Variants in TSPEAR observed in about 807,000 individuals in gnomAD.
TSPEAR encodes the protein thrombospondin-type laminin G domain and EAR repeat-containing protein.
A neutral mutation model predicts 71.6 loss-of-function variants in TSPEAR; 69 were observed. The observed-to-expected ratio is 0.96, with a 90% CI of 0.79 to 1.18. The LOEUF (loss-of-function observed/expected upper bound fraction) is 1.18. Among genes scored for constraint, TSPEAR ranks in the 50% most tolerant of loss-of-function variants. The pLI is 0.00. For missense variants in TSPEAR, 971 were observed against 894.9 expected (o/e 1.09, Z -1.09); for synonymous variants, 402 against 387.2 (o/e 1.04, Z -0.45).
intron 1 of TSPEAR, among the ~76,000 whole-genome samples, chr21:44,661,883 C>A (rs1291267054): frequency 6.6e-6 from 1 of 152,140 alleles, no homozygotes; most frequent in Non-Finnish European, 1.5e-5. Context: ...AGAAATCCAC[C>A]CCCGTGATCC....
In TSPEAR at chr21:44,558,335, G is replaced by A. The variant is rs782439819; in HGVS notation, c.303+9450C>T. On this transcript the variant is annotated intron_variant, in intron 2 of 11. Transcript: ENST00000323084. ...ATGAAGAGGAAGCCCCAGAGCAGAC[G>A]GGCACACAGCAGATGGGCTTGCAGC... is the stretch of plus-strand genomic sequence containing the variant. 697 of 1,613,268 alleles carry A rather than the reference G, an allele frequency of 4.3e-4. 2 individuals carry two copies. The highest frequency in any genetic ancestry group is 3.5e-4 in the Non-Finnish European group (409 of 1,179,606).
At chr21:44,553,921 T>G (rs931590978) in intron 2 of TSPEAR, among the ~76,000 whole-genome samples, 1 of 152,216 alleles carries the variant, frequency 6.6e-6, no homozygotes, top group Non-Finnish European at 1.5e-5. Flanking sequence ...TTTCCTTTTT[T>G]CAAATTATTA....
intron 1 of TSPEAR, among the ~76,000 whole-genome samples, chr21:44,659,533 T>A (rs1985376388): frequency 6.6e-6 from 1 of 152,198 alleles, no homozygotes; most frequent in South Asian, 2.1e-4. Flanking sequence ...GAACTGATGA[T>A]GTCTGATATT....
intron 1 of TSPEAR, among the ~76,000 whole-genome samples, chr21:44,635,964 G>T (rs1983538262): frequency 6.6e-6 from 1 of 152,156 alleles, no homozygotes; most frequent in Admixed American, 6.5e-5. Context: ...TTATTAATGA[G>T]ATCAACTAGC....
chr21:44,505,189 C>A (rs1285513075), intron 10 of TSPEAR, among the ~76,000 whole-genome samples: 2 of 152,138 alleles, frequency 1.3e-5, no homozygotes, highest in Non-Finnish European at 2.9e-5. Context: ...AGCGATTCTC[C>A]TGCCTCAGCC....
chr21:44,653,194 T>G (rs1555941834), intron 1 of TSPEAR, among the ~76,000 whole-genome samples: 8 of 152,102 alleles, frequency 5.3e-5, no homozygotes, highest in Non-Finnish European at 1.2e-4. Context: ...GTCCTTGCCT[T>G]TTCCTGAACA....
intron 1 of TSPEAR, among the ~76,000 whole-genome samples, chr21:44,699,103 CAGA>C (rs1213597811): frequency 1.3e-5 from 2 of 152,132 alleles, no homozygotes; most frequent in African/African-American, 2.4e-5. Context: ...GAAGCGGAAG[CAGA>C]AGAATCACTC....
chr21:44,649,035 G>A (rs587600495), intron 1 of TSPEAR, among the ~76,000 whole-genome samples: 2 of 152,334 alleles, frequency 1.3e-5, no homozygotes, highest in East Asian at 3.9e-4. Context: ...GGAGATGCGG[G>A]ACCCACTGAG....
chr21:44,534,902 C>T (rs145457645), intron 2 of TSPEAR, among the ~76,000 whole-genome samples: 7 of 152,246 alleles, frequency 4.6e-5, no homozygotes, highest in South Asian at 2.1e-4. Flanking sequence ...GATGGGTAAA[C>T]GCAGTGTGGT....
At chr21:44,654,410 C>T in intron 1 of TSPEAR, 1 of 1,614,132 alleles carries the variant, frequency 6.2e-7, no homozygotes, top group Non-Finnish European at 8.5e-7. Flanking sequence ...ACACAGCAGG[C>T]CACCTGGCAG....
chr21:44,591,205 G>C, intron 1 of TSPEAR: 2 of 1,295,762 alleles, frequency 1.5e-6, no homozygotes, highest in East Asian at 2.5e-5. Flanking sequence ...TGGGTCTGGG[G>C]GAGTAGCTGG....
At position 44,710,259 on chromosome 21, in the gene TSPEAR, G is replaced by A. The variant is rs562871585; in HGVS notation, c.82+1174C>T. Among the ~76,000 whole-genome samples, 38 of 152,302 alleles carry A rather than the reference G, an allele frequency of 2.5e-4. No homozygotes were observed. Among genetic ancestry groups the A allele is most frequent in the Admixed American group, 1.2e-3 (18 of 15,302 alleles). The stretch of plus-strand genomic sequence containing the variant: ...CACCCAGTTCCAAGGCAGTCCCTGC[G>A]GGCAGGTGCAGCTGTGCGGGAGCTT... On this transcript the variant is annotated intron_variant, in intron 1 of 11. Transcript: ENST00000323084. This position sits in a 1 kb window ranked among gnomAD's most constrained non-coding sequence, Gnocchi z 4.6.
At position 44,625,710 on chromosome 21, in the gene TSPEAR, G is replaced by A. The variant is rs886074390; in HGVS notation, c.83-57705C>T. Among the ~76,000 whole-genome samples, 15 of 152,320 alleles carry A rather than the reference G, an allele frequency of 9.8e-5. No individual in the cohort carries two copies. The East Asian group carries it at 2.7e-3, about 27-fold the overall frequency. ...TTGGGCTCTAATTTCTTCAGTGATG[G>A]GGACGGGGGAAGGAATGTGCAGGGC... On this transcript the variant is annotated intron_variant, in intron 1 of 11. Coordinates refer to ENST00000323084, the MANE Select transcript of TSPEAR (RefSeq NM_144991.3).
intron 1 of TSPEAR, chr21:44,658,302 C>T: frequency 6.3e-7 from 1 of 1,596,110 alleles, no homozygotes; most frequent in Non-Finnish European, 8.6e-7. Context: ...GGGTACACAC[C>T]TGTATCCCTC....
intron 2 of TSPEAR, chr21:44,539,199 C>T (rs1264284718): frequency 4.4e-5 from 66 of 1,508,902 alleles, no homozygotes; most frequent in Non-Finnish European, 4.8e-5. Flanking sequence ...CACGGGGACC[C>T]GTCCTAGGTG....
At chr21:44,618,682 G>A (rs1189892291) in intron 1 of TSPEAR, among the ~76,000 whole-genome samples, 1 of 152,216 alleles carries the variant, frequency 6.6e-6, no homozygotes, top group Non-Finnish European at 1.5e-5. Context: ...GACCTTGTTT[G>A]TAAGGCAGTG....
At position 44,612,679 on chromosome 21, in the gene TSPEAR, C is replaced by T. The variant is rs587736459; in HGVS notation, c.83-44674G>A. The T allele has an allele frequency of 1.9e-5, 30 of 1,614,154 alleles. No individual in the cohort carries two copies. The highest frequency in any genetic ancestry group is 5.3e-5 in the African/African-American group (4 of 75,044). ...CTCTGTGCTGCCAGAAGTCTAGCTG[C>T]CAGCCGGCTTGCTGCACCACCTCCT... On this transcript the variant is annotated intron_variant, in intron 1 of 11. Transcript: ENST00000323084. This position sits in a 1 kb window ranked among gnomAD's most constrained non-coding sequence, Gnocchi z 4.1.
intron 1 of TSPEAR, among the ~76,000 whole-genome samples, chr21:44,599,316 A>G (rs1199074350): frequency 6.6e-6 from 1 of 152,180 alleles, no homozygotes; most frequent in Non-Finnish European, 1.5e-5. Context: ...GGCCTTTTGT[A>G]CTTTTCCTAA....
At chr21:44,550,647 G>T (rs2146029190) in intron 2 of TSPEAR, 3 of 1,602,634 alleles carry the variant, frequency 1.9e-6, no homozygotes, top group Middle Eastern at 2.0e-4. Context: ...AGGACTGGCA[G>T]GGAGGTGGGG....
Sources: allele counts gnomAD v4.1 joint callset (sites outside exome capture counted in the v4.1 genomes callset), GRCh38; gene constraint gnomAD v4.1.1; non-coding constraint Gnocchi (gnomAD v3.1); transcripts MANE v1.5; gene names NCBI Gene and HGNC (gene_info 2026-07-23, HGNC 2026-07-21).